The following DST variants were observed in gnomAD, a reference collection of about 807,000 sequenced individuals.
DST encodes dystonin.
DST carries 253 observed loss-of-function variants against 875.2 expected under a neutral mutation model. That is an observed-to-expected ratio of 0.29 (90% confidence interval 0.26 to 0.32). The LOEUF is 0.32. Among genes scored for constraint, DST ranks in the 10% least tolerant of loss-of-function variants. The pLI is 1.00. For missense variants in DST, 8,287 were observed against 9,111.6 expected (o/e 0.91, Z 3.68); for synonymous variants, 3,124 against 3,197.1 (o/e 0.98, Z 0.77).
In DST at chr6:56,665,424, A is replaced by G. The variant is rs140179366; in HGVS notation, c.1214+5217T>C. Among the ~76,000 whole-genome samples the G allele has an allele frequency of 3.9e-5, 6 of 152,122 alleles. No homozygotes were observed. In the East Asian group the frequency reaches 1.2e-3, roughly 29 times the overall value. The stretch of plus-strand genomic sequence containing the variant: ...TTAAGTTCATCGATAATTTTCATAT[A>G]TCTTTGCTGAAAATATCATTGAGCT... On this transcript the variant is annotated intron_variant, in intron 10 of 103. Transcript: ENST00000680361.
chr6:56,690,964 A>G (rs955274862), intron 9 of DST, among the ~76,000 whole-genome samples: 8 of 152,362 alleles, frequency 5.3e-5, no homozygotes, highest in African/African-American at 7.2e-5. Context: ...TTCAGATAAT[A>G]TAATGACTAC....
chr6:56,634,747 A>G (rs1331281502), intron 25 of DST, 54 bp downstream of exon 25: 5 of 1,606,714 alleles, frequency 3.1e-6, no homozygotes, highest in Middle Eastern at 1.7e-4. Flanking sequence ...GATCTCATTT[A>G]CAAAATATAT....
At chr6:56,706,893 T>A (rs986805180) in intron 5 of DST, among the ~76,000 whole-genome samples, 7 of 152,108 alleles carry the variant, frequency 4.6e-5, no homozygotes, top group African/African-American at 1.7e-4. Flanking sequence ...TAATCCCAGC[T>A]ACTTGGGACG....
chr6:56,539,970 C>T (rs765227299), intron 61 of DST, among the ~76,000 whole-genome samples: 3 of 152,090 alleles, frequency 2.0e-5, no homozygotes, highest in Non-Finnish European at 4.4e-5. Flanking sequence ...GTGTAAAAGC[C>T]TAACATTAAC....
intron 10 of DST, among the ~76,000 whole-genome samples, chr6:56,661,013 C>T (rs1243058393): frequency 1.5e-5 from 2 of 134,162 alleles, no homozygotes; most frequent in African/African-American, 8.0e-5. Context: ...CCATTAACAG[C>T]CTAAATTTTA....
rs181029227 is a variant in DST, at chr6:56,637,112, A to C, written c.2965-460T>G. Among the ~76,000 whole-genome samples the C allele has an allele frequency of 6.0e-3, 911 of 152,004 alleles. 2 individuals carry two copies. The highest frequency in any genetic ancestry group is 0.017 in the African/African-American group (683 of 41,366). ...AAACAAAAACAAACAAACAAACAAA[A>C]AAAAAACAAGAAAATCAGGGCAGTA... On this transcript the variant is annotated intron_variant, in intron 22 of 103. Transcript: ENST00000680361.
intron 4 of DST, among the ~76,000 whole-genome samples, chr6:56,833,914 T>G (rs933251568): frequency 7.2e-6 from 1 of 138,090 alleles, no homozygotes; most frequent in Non-Finnish European, 1.6e-5. Context: ...AACTCAACAA[T>G]AAAAAAAAAA....
At chr6:56,647,686 ATGT>A (rs754926816) in intron 13 of DST, among the ~76,000 whole-genome samples, 4 of 148,120 alleles carry the variant, frequency 2.7e-5, no homozygotes, top group African/African-American at 7.8e-5. Context: ...GCTTTTTGTA[ATGT>A]TTTTTTTTTT....
At chr6:56,801,563 C>T (rs1330530794) in intron 4 of DST, among the ~76,000 whole-genome samples, 1 of 152,014 alleles carries the variant, frequency 6.6e-6, no homozygotes, top group Non-Finnish European at 1.5e-5. Flanking sequence ...CCCACCCCAA[C>T]CCGCCAAATA....
chr6:56,515,542 G>A lies in DST; in HGVS notation c.18484C>T (p.Pro6162Ser), dbSNP rs777517705. ...QFWETYEELW[P>S]WLTETQSIIS... The stretch of plus-strand genomic sequence containing the variant: ...ATTGATTGTGTTTCTGTCAGCCATG[G>A]CCAAAGTTCTTCATATGTTTCCCAG... The change falls in exon 72 of 104, where the codon CCA becomes TCA. Residue 6162 changes from proline to serine, a missense_variant. Pro to Ser is a moderately conservative substitution (Grantham distance 74, BLOSUM62 -1). This residue lies in a region of DST where 1,292 missense variants were observed against 1,552.7 expected (regional missense o/e 0.83). Coordinates refer to ENST00000680361, the MANE Select transcript of DST (RefSeq NM_001374736.1). 4.3e-6 allele frequency: 7 copies of A among 1,613,800 alleles called. No homozygotes were observed. The East Asian group carries it at 1.6e-4, about 36-fold the overall frequency.
At chr6:56,729,576 C>T (rs560463143) in intron 5 of DST, among the ~76,000 whole-genome samples, 9 of 147,886 alleles carry the variant, frequency 6.1e-5, no homozygotes, top group Admixed American at 1.4e-4. Context: ...CATTGCACTC[C>T]AGCCTGGGCG....
intron 10 of DST, among the ~76,000 whole-genome samples, chr6:56,667,553 AAACCTGATATATGGTATTTT>A (rs1285862635): frequency 6.6e-6 from 1 of 152,232 alleles, no homozygotes; most frequent in Non-Finnish European, 1.5e-5. Flanking sequence ...GTAAGCATTT[AAACCTGATATATGGTATTTT>A]AACCACGAAC....
chr6:56,871,562 GAC>G, intron 3 of DST: 1 of 1,009,624 alleles, frequency 9.9e-7, no homozygotes, highest in Non-Finnish European at 1.6e-6. Context: ...AAGCACCTAA[GAC>G]ACACTGCTGG....
At chr6:56,565,525 T>A (rs1451090097) in intron 55 of DST, among the ~76,000 whole-genome samples, 1 of 152,130 alleles carries the variant, frequency 6.6e-6, no homozygotes, top group Non-Finnish European at 1.5e-5. Flanking sequence ...GGTCCTGGGC[T>A]TTTTTTGGTT....
chr6:56,571,380 C>T (rs1214870594), intron 53 of DST, among the ~76,000 whole-genome samples: 1 of 152,168 alleles, frequency 6.6e-6, no homozygotes, highest in Non-Finnish European at 1.5e-5. Context: ...CAGGATGGAA[C>T]ATATAGCTCT....
At chr6:56,831,199 C>T (rs1041606986) in intron 4 of DST, among the ~76,000 whole-genome samples, 2 of 152,142 alleles carry the variant, frequency 1.3e-5, no homozygotes, top group African/African-American at 4.8e-5. Flanking sequence ...TGAGCCATGG[C>T]TAAAACTTAT....
At chr6:56,584,455 C>T (rs1416602981) in intron 49 of DST, among the ~76,000 whole-genome samples, 2 of 151,304 alleles carry the variant, frequency 1.3e-5, no homozygotes, top group Non-Finnish European at 2.9e-5. Context: ...TATCCTGAGA[C>T]TTTGCTGAAG....
chr6:56,605,605 G>C lies in DST; in HGVS notation c.9023C>G (p.Pro3008Arg). The change falls in exon 40 of 104, where the codon CCT (proline) becomes CGT (arginine). Residue 3008 changes from proline to arginine, a missense_variant. Physicochemically the swap from Pro to Arg is moderately radical, Grantham distance 103. Transcript: ENST00000680361. ...CAATGACAAATGGCTTTCCTCAGCA[G>C]GTTTTCCTATTAAATCAGGCTCAGT... The part of the protein sequence containing the change: ...ICTEPDLIGK[P>R]AEESHLSLIA... 6.2e-7 allele frequency: 1 copy of C among 1,613,000 alleles called. No homozygotes were observed. The highest frequency in any genetic ancestry group is 1.1e-5 in the South Asian group (1 of 91,066).
intron 2 of DST, among the ~76,000 whole-genome samples, chr6:56,940,754 CTT>C (rs1387487813): frequency 6.7e-6 from 1 of 148,496 alleles, no homozygotes; most frequent in African/African-American, 2.5e-5. Flanking sequence ...TTTTTTTTTT[CTT>C]TTTTTTCTCT....
Sources: allele counts gnomAD v4.1 joint callset (sites outside exome capture counted in the v4.1 genomes callset), GRCh38; gene constraint gnomAD v4.1.1; regional missense constraint gnomAD v4.1.1; transcripts MANE v1.5; gene names NCBI Gene and HGNC (gene_info 2026-07-23, HGNC 2026-07-21).